Variants in GBF1 observed in about 807,000 individuals in gnomAD.
The protein encoded by GBF1 is Golgi-specific brefeldin A-resistance guanine nucleotide exchange factor 1.
GBF1 carries 114 observed loss-of-function variants against 210.5 expected under a neutral mutation model. The observed-to-expected ratio is 0.54, with a 90% CI of 0.47 to 0.63. The LOEUF is 0.63. GBF1 is among the 30% of genes least tolerant of loss of function. GBF1 has a pLI of 0.00. For missense variants in GBF1, 1,851 were observed against 2,357.7 expected (o/e 0.79, Z 4.45); for synonymous variants, 850 against 889.2 (o/e 0.96, Z 0.78).
chr10:102,261,235 T>TTGTGTGTG (rs34325175), intron 3 of GBF1, among the ~76,000 whole-genome samples: 2 of 150,104 alleles, frequency 1.3e-5, no homozygotes, highest in East Asian at 3.9e-4. Context: ...TACCTTATAT[T>TTGTGTGTG]TGTGTGTGTG....
chr10:102,316,008 T>TA (rs2078897368), intron 3 of GBF1, among the ~76,000 whole-genome samples: 1 of 152,050 alleles, frequency 6.6e-6, no homozygotes, highest in African/African-American at 2.4e-5. Flanking sequence ...CTATTAGTGC[T>TA]ATATCCTCTT....
intron 3 of GBF1, among the ~76,000 whole-genome samples, chr10:102,311,730 G>A (rs1383675229): frequency 6.6e-6 from 1 of 152,156 alleles, no homozygotes; most frequent in Non-Finnish European, 1.5e-5. Flanking sequence ...AACTGCCTTT[G>A]CTAGCTGTAG....
chr10:102,249,475 G>A (rs2071231302), intron 1 of GBF1, among the ~76,000 whole-genome samples: 1 of 152,178 alleles, frequency 6.6e-6, no homozygotes, highest in Non-Finnish European at 1.5e-5. Flanking sequence ...CGATTATCAG[G>A]TCTGGGAGGA....
intron 3 of GBF1, among the ~76,000 whole-genome samples, chr10:102,326,487 G>A (rs1275302668): frequency 6.6e-6 from 1 of 152,128 alleles, no homozygotes; most frequent in East Asian, 1.9e-4. Context: ...CCAAGTAGGG[G>A]AAGCTCACCC....
the GBF1 span, among the ~76,000 whole-genome samples, chr10:102,233,304 C>CTTTTTTTTTTTT: frequency 4.6e-5 from 5 of 107,910 alleles, no homozygotes; most frequent in East Asian, 2.6e-4. Flanking sequence ...TTTTTTCCTT[C>CTTTTTTTTTTTT]TTTTTTTTTT....
At chr10:102,339,199 C>A (rs555554852) in intron 3 of GBF1, among the ~76,000 whole-genome samples, 1 of 152,144 alleles carries the variant, frequency 6.6e-6, no homozygotes, top group East Asian at 1.9e-4. Context: ...CTCGTCTATA[C>A]TAAAAATACA....
At chr10:102,234,179 C>T in the GBF1 span, among the ~76,000 whole-genome samples, 1 of 152,182 alleles carries the variant, frequency 6.6e-6, no homozygotes, top group Non-Finnish European at 1.5e-5. Flanking sequence ...AGGAGCCTTT[C>T]TCAGGGAGGT....
At chr10:102,312,363 C>A (rs892764143) in intron 3 of GBF1, among the ~76,000 whole-genome samples, 3 of 151,640 alleles carry the variant, frequency 2.0e-5, no homozygotes, top group Non-Finnish European at 4.4e-5. Context: ...GGTTGAGGAA[C>A]AATCCACTTA....
chr10:102,238,355 G>A, the GBF1 span, among the ~76,000 whole-genome samples: 22 of 152,170 alleles, frequency 1.4e-4, no homozygotes, highest in Non-Finnish European at 2.8e-4. Context: ...TTGCCCTCCC[G>A]TCCTGAACCT....
At chr10:102,356,371 G>A (rs1159244523) in intron 8 of GBF1, among the ~76,000 whole-genome samples, 1 of 152,178 alleles carries the variant, frequency 6.6e-6, no homozygotes, top group Non-Finnish European at 1.5e-5. Context: ...CCCAATCCAG[G>A]AATGGTCCAA....
intron 33 of GBF1, 88 bp downstream of exon 33, chr10:102,377,228 A>G: frequency 9.5e-7 from 1 of 1,051,104 alleles, no homozygotes; most frequent in Middle Eastern, 2.7e-4. Context: ...GCTGAGGGGA[A>G]GGGCCCATGT....
At chr10:102,288,642 C>T (rs867246440) in intron 3 of GBF1, among the ~76,000 whole-genome samples, 1 of 142,026 alleles carries the variant, frequency 7.0e-6, no homozygotes, top group East Asian at 2.2e-4. Context: ...ACCCGGGAAG[C>T]GGAGCTTGCA....
chr10:102,238,476 G>C, the GBF1 span, among the ~76,000 whole-genome samples: 1 of 152,184 alleles, frequency 6.6e-6, no homozygotes, highest in Non-Finnish European at 1.5e-5. Flanking sequence ...ACAGCGGCAG[G>C]GGTAGTGGCC....
rs191012117 is a variant in GBF1 at position 102,345,599 on chromosome 10, A to T, written c.295+1417A>T. On this transcript the variant is annotated intron_variant, in intron 4 of 39. Transcript: ENST00000369983. The stretch of plus-strand genomic sequence containing the variant: ...GAGGCGGAAGTTACAGTGAGCCAAG[A>T]TCACACCATTGCACTCCAGCCTGGG... 1.4e-4 allele frequency among the ~76,000 whole-genome samples: 21 copies of T among 146,854 alleles called. No homozygotes were observed. The East Asian group carries it at 3.8e-3, about 27-fold the overall frequency.
intron 5 of GBF1, 22 bp from the exon 6 acceptor site, chr10:102,351,821 A>G (rs753980632): frequency 7.5e-7 from 1 of 1,335,978 alleles, no homozygotes; most frequent in Non-Finnish European, 1.1e-6. Context: ...TTATCACAGT[A>G]ATTCCTTTTT....
chr10:102,377,273 A>T, intron 33 of GBF1, 133 bp downstream of exon 33: 1 of 629,374 alleles, frequency 1.6e-6, no homozygotes. Context: ...CATCTTCACA[A>T]TATTCCCTTA....
chr10:102,379,539 G>A lies in GBF1; in HGVS notation c.4664G>A (p.Cys1555Tyr), dbSNP rs753416843. 1.2e-5 allele frequency: 19 copies of A among 1,614,018 alleles called. No individual in the cohort carries two copies. The highest frequency in any genetic ancestry group is 1.5e-5 in the Non-Finnish European group (18 of 1,180,020). The change falls in exon 35 of 40, where the codon TGC (cysteine) becomes TAC (tyrosine). Residue 1555 changes from cysteine to tyrosine, a missense_variant. Cys to Tyr is a radical substitution (Grantham distance 194). Around this residue, in one of 3 missense-constraint regions of GBF1, gnomAD observed 967 missense variants for 1,247.7 expected, o/e 0.78. Transcript: ENST00000369983. ...PLLQGIACLC[C>Y]DARRQVRMQA... ...CTCTCAGGTATTGCCTGCCTGTGCT[G>A]CGATGCCCGGCGCCAGGTACGGATG...
rs2060079176 is a variant in GBF1 at position 102,369,313 on chromosome 10, G to A, written c.3076G>A (p.Glu1026Lys). The change falls in exon 24 of 40, where the codon GAG (glutamate) becomes AAG (lysine). Residue 1026 changes from glutamate to lysine, a missense_variant. Physicochemically the swap from Glu to Lys is moderately conservative, Grantham distance 56. Coordinates refer to ENST00000369983, the MANE Select transcript of GBF1 (RefSeq NM_001377137.1). ...LAHRHGDILR[E>K]GWKNIMEAML... ...CCATCGTCATGGTGACATCCTGCGG[G>A]AGGGCTGGAAGAATATCATGGAGGC... 1.2e-6 allele frequency: 2 copies of A among 1,613,780 alleles called. No homozygotes were observed. Among genetic ancestry groups the A allele is most frequent in the Non-Finnish European group, 1.7e-6 (2 of 1,179,760 alleles).
intron 3 of GBF1, among the ~76,000 whole-genome samples, chr10:102,275,430 T>C (rs2074867665): frequency 6.6e-6 from 1 of 152,156 alleles, no homozygotes; most frequent in Non-Finnish European, 1.5e-5. Flanking sequence ...TTTGGGAGCA[T>C]TGAGACCTCA....
Sources: allele counts gnomAD v4.1 joint callset (sites outside exome capture counted in the v4.1 genomes callset), GRCh38; gene constraint gnomAD v4.1.1; regional missense constraint gnomAD v4.1.1; transcripts MANE v1.5; gene names NCBI Gene and HGNC (gene_info 2026-07-23, HGNC 2026-07-21).